The following CDH13 variants were observed in gnomAD, a reference collection of about 807,000 sequenced individuals.
CDH13 encodes cadherin-13.
CDH13 carries 24 observed loss-of-function variants against 63.8 expected under a neutral mutation model. The observed-to-expected ratio is 0.38, with a 90% CI of 0.27 to 0.53. The LOEUF is 0.53. Among genes scored for constraint, CDH13 ranks in the 20% least tolerant of loss-of-function variants. The pLI is 0.85. For synonymous variants in CDH13, 503 were observed against 355.3 expected (o/e 1.42, Z -4.67); for missense variants, 1,049 against 903.1 (o/e 1.16, Z -2.07).
chr16:83,675,624 C>G (rs971389814), intron 9 of CDH13, among the ~76,000 whole-genome samples: 4 of 152,314 alleles, frequency 2.6e-5, no homozygotes, highest in African/African-American at 9.6e-5. Context: ...AACATTCATC[C>G]TGTCCGCTGA....
At chr16:83,124,679 T>C (rs1015900528) in intron 3 of CDH13, among the ~76,000 whole-genome samples, 4 of 152,198 alleles carry the variant, frequency 2.6e-5, no homozygotes, top group African/African-American at 2.4e-5. Flanking sequence ...CTTGAGTTAA[T>C]TTTTGTATAT....
rs75140395 is a variant in CDH13 at position 82,911,126 on chromosome 16, C to G, written c.157+52653C>G. Among the ~76,000 whole-genome samples the G allele has an allele frequency of 3.4e-3, 518 of 152,270 alleles. 2 individuals carry two copies. The highest frequency in any genetic ancestry group is 6.8e-3 in the Middle Eastern group (2 of 294). ...GATGGGAAGCATAAGAAGGTCAGAACCAAACCAGAGCTTTGAGCGTTCTCT... is the reference window on the plus strand; with the variant it reads ...GATGGGAAGCATAAGAAGGTCAGAAGCAAACCAGAGCTTTGAGCGTTCTCT... On this transcript the variant is annotated intron_variant, in intron 2 of 13. Transcript: ENST00000567109.
intron 5 of CDH13, among the ~76,000 whole-genome samples, chr16:83,244,877 C>T (rs547537420): frequency 6.6e-6 from 1 of 152,158 alleles, no homozygotes; most frequent in Admixed American, 6.5e-5. Flanking sequence ...AATCTGGTCA[C>T]ATAGGCACCC....
At chr16:83,586,476 T>A (rs1685316261) in intron 7 of CDH13, among the ~76,000 whole-genome samples, 1 of 152,228 alleles carries the variant, frequency 6.6e-6, no homozygotes. Flanking sequence ...AGCACACTTG[T>A]CTTTATCAAC....
At chr16:83,556,082 T>C (rs1019143772) in intron 7 of CDH13, among the ~76,000 whole-genome samples, 5 of 152,210 alleles carry the variant, frequency 3.3e-5, no homozygotes, top group Admixed American at 3.3e-4. Context: ...AAAGACTTAA[T>C]GAGATAAATC....
At chr16:82,983,128 A>G (rs1407293381) in intron 2 of CDH13, among the ~76,000 whole-genome samples, 1 of 152,134 alleles carries the variant, frequency 6.6e-6, no homozygotes, top group Non-Finnish European at 1.5e-5. Flanking sequence ...ACTAAGGCAA[A>G]TCTGTTTCTG....
At position 82,785,630 on chromosome 16, in the gene CDH13, C is replaced by G. The variant is rs544975016; in HGVS notation, c.46-72732C>G. The stretch of plus-strand genomic sequence containing the variant: ...TCTGTCTACAATCTTGTATTCCATT[C>G]TAGAGATTTGATAATCAGTAAAACC... On this transcript the variant is annotated intron_variant, in intron 1 of 13. Coordinates refer to ENST00000567109, the MANE Select transcript of CDH13 (RefSeq NM_001257.5). 9.2e-5 allele frequency among the ~76,000 whole-genome samples: 14 copies of G among 152,238 alleles called. No homozygotes were observed. The South Asian group carries it at 2.7e-3, about 29-fold the overall frequency.
intron 6 of CDH13, among the ~76,000 whole-genome samples, chr16:83,485,431 C>T (rs1052889781): frequency 1.3e-5 from 2 of 152,230 alleles, no homozygotes; most frequent in Non-Finnish European, 2.9e-5. Context: ...GTTATAGAAT[C>T]AGGTCCTATT....
chr16:83,434,887 GTAT>G, intron 6 of CDH13, among the ~76,000 whole-genome samples: 2 of 61,074 alleles, frequency 3.3e-5, no homozygotes, highest in African/African-American at 6.9e-5. Flanking sequence ...GTGTGTATGT[GTAT>G]TTAAAATAAA....
intron 3 of CDH13, among the ~76,000 whole-genome samples, chr16:83,050,645 A>G (rs940086301): frequency 1.3e-5 from 2 of 152,090 alleles, no homozygotes; most frequent in Admixed American, 6.5e-5. Context: ...CTTCTTCAGC[A>G]TGTCTCCAAA....
chr16:82,774,573 C>T (rs900156819), intron 1 of CDH13, among the ~76,000 whole-genome samples: 2 of 152,148 alleles, frequency 1.3e-5, no homozygotes, highest in Non-Finnish European at 2.9e-5. Context: ...TTGAAAATTT[C>T]CTTGGTGCTC....
At chr16:83,706,571 C>T (rs1408033404) in intron 10 of CDH13, among the ~76,000 whole-genome samples, 3 of 152,156 alleles carry the variant, frequency 2.0e-5, no homozygotes, top group Non-Finnish European at 2.9e-5. Flanking sequence ...CCCTTTACTG[C>T]TGTGTTATTT....
chr16:83,577,164 A>G (rs1257722208), intron 7 of CDH13, among the ~76,000 whole-genome samples: 2 of 152,194 alleles, frequency 1.3e-5, no homozygotes, highest in African/African-American at 4.8e-5. Context: ...ATCAGGTCAC[A>G]TGGTGCCGTC....
At chr16:82,723,846 C>T (rs554570381) in intron 1 of CDH13, among the ~76,000 whole-genome samples, 4 of 152,150 alleles carry the variant, frequency 2.6e-5, no homozygotes, top group African/African-American at 9.7e-5. Context: ...CAGTGTTGAG[C>T]AAAGCAGGTG....
chr16:82,869,088 C>G (rs909715900), intron 2 of CDH13, among the ~76,000 whole-genome samples: 3 of 152,086 alleles, frequency 2.0e-5, no homozygotes, highest in African/African-American at 4.8e-5. Flanking sequence ...TCCCTGTTAC[C>G]CAGGCTGGAG....
At chr16:83,158,060 CT>C (rs968566487) in intron 4 of CDH13, among the ~76,000 whole-genome samples, 14 of 152,060 alleles carry the variant, frequency 9.2e-5, no homozygotes, top group African/African-American at 2.9e-4. Flanking sequence ...TTTCACTTTC[CT>C]TGGGTCAAAC....
chr16:83,064,958 C>G (rs2031876455), intron 3 of CDH13, among the ~76,000 whole-genome samples: 1 of 152,106 alleles, frequency 6.6e-6, no homozygotes, highest in Non-Finnish European at 1.5e-5. Context: ...ACCTCTTTCT[C>G]TTGTCTATCT....
At chr16:83,456,483 C>A (rs549314378) in intron 6 of CDH13, among the ~76,000 whole-genome samples, 7 of 152,288 alleles carry the variant, frequency 4.6e-5, no homozygotes, top group South Asian at 4.1e-4. Flanking sequence ...GCACGGGGAA[C>A]CCTGGGTTCA....
intron 7 of CDH13, among the ~76,000 whole-genome samples, chr16:83,575,977 A>G (rs541953917): frequency 2.0e-5 from 3 of 152,344 alleles, no homozygotes; most frequent in Admixed American, 1.3e-4. Context: ...TGAACAATTC[A>G]GTGGCGTTTA....
Sources: gnomAD v4.1 joint callset for allele counts (sites outside exome capture counted in the v4.1 genomes callset) on GRCh38, gnomAD v4.1.1 for gene constraint, MANE v1.5 for transcripts, NCBI Gene and HGNC (gene_info 2026-07-23, HGNC 2026-07-21) for gene names.